Variants in PIEZO2 observed in about 807,000 individuals in gnomAD.
PIEZO2 encodes the protein piezo type mechanosensitive ion channel component 2.
PIEZO2 carries 172 observed loss-of-function variants against 337.3 expected under a neutral mutation model. That is an observed-to-expected ratio of 0.51 (90% CI 0.45 to 0.58). The LOEUF (loss-of-function observed/expected upper bound fraction) is 0.58. PIEZO2 is among the 20% of genes least tolerant of loss of function. The pLI, the probability that PIEZO2 is intolerant of heterozygous loss-of-function variation, is 0.00. For synonymous variants in PIEZO2, 1,251 were observed against 1,228.5 expected, an observed-to-expected ratio of 1.02 and a Z score of -0.38; for missense variants, 3,028 against 3,391.3, an observed-to-expected ratio of 0.89 and a Z score of 2.66.
chr18:10,966,350 T>C (rs2033999249), intron 3 of PIEZO2, among the ~76,000 whole-genome samples: 1 of 152,222 alleles, frequency 6.6e-6, no homozygotes, highest in Non-Finnish European at 1.5e-5. Context: ...AAGCTGTCAT[T>C]CCTTCTGGAT....
chr18:10,819,861 G>A lies in PIEZO2; in HGVS notation c.918-12587C>T, dbSNP rs2040471983. 6.6e-6 allele frequency among the ~76,000 whole-genome samples: 1 copy of A among 152,084 alleles called. No homozygotes were observed. On this transcript the variant is annotated intron_variant, in intron 7 of 55. Transcript: ENST00000674853. This position sits in a 1 kb window ranked among gnomAD's most constrained non-coding sequence, Gnocchi z 4.3. ...ATATTTGTGTAGTGCAGGTCTGCTG[G>A]TGCAAAATTCTCTCAGTCTTTCGTA... is the stretch of plus-strand genomic sequence containing the variant.
chr18:11,114,903 GA>G (rs1032199830), intron 1 of PIEZO2, among the ~76,000 whole-genome samples: 1 of 152,132 alleles, frequency 6.6e-6, no homozygotes, highest in Non-Finnish European at 1.5e-5. Context: ...TCTTAAATCA[GA>G]TAACTAACAA....
intron 42 of PIEZO2, 160 bp downstream of exon 42, chr18:10,704,234 C>G: frequency 9.8e-7 from 1 of 1,018,084 alleles, no homozygotes; most frequent in Non-Finnish European, 1.4e-6. Context: ...TTGCTGCTGA[C>G]GATTTGTGTA....
In PIEZO2 at chr18:10,775,557, A is replaced by G. The variant is rs2038754576; in HGVS notation, c.2535-1519T>C. ...ACGACAAGAAAACTACTTTCTAACA[A>G]TTACTGCTATTAACAGAGTGAAACT... On this transcript the variant is annotated intron_variant, in intron 18 of 55. Coordinates refer to ENST00000674853, the MANE Select transcript of PIEZO2 (RefSeq NM_001378183.1). The surrounding 1 kb of genome is among the most constrained non-coding windows in gnomAD (Gnocchi z 4.3). Among the ~76,000 whole-genome samples the G allele has an allele frequency of 6.6e-6, 1 of 152,188 alleles. No homozygotes were observed. Among genetic ancestry groups the G allele is most frequent in the Non-Finnish European group, 1.5e-5 (1 of 68,036 alleles).
chr18:10,915,040 C>T (rs456126), intron 3 of PIEZO2, among the ~76,000 whole-genome samples: 70,814 of 127,590 alleles, frequency 0.56, 16,874 homozygotes, highest in East Asian at 0.68. Context: ...TACCTATCAA[C>T]CTCTGTGGCT....
chr18:10,799,621 G>A (rs2039732350), intron 11 of PIEZO2, among the ~76,000 whole-genome samples: 1 of 152,132 alleles, frequency 6.6e-6, no homozygotes. Context: ...GAGACAAAAA[G>A]CCTTGCAAAA....
At chr18:10,776,282 T>C (rs2038782695) in intron 18 of PIEZO2, among the ~76,000 whole-genome samples, 1 of 152,144 alleles carries the variant, frequency 6.6e-6, no homozygotes, top group Admixed American at 6.5e-5. Context: ...GTAGTGCCTA[T>C]TTATAGGAGG....
At position 10,859,188 on chromosome 18, in the gene PIEZO2, C is replaced by T. The variant is rs144030768; in HGVS notation, c.493-1977G>A. Among the ~76,000 whole-genome samples the T allele has an allele frequency of 2.0e-5, 3 of 152,210 alleles. No homozygotes were observed. The highest frequency in any genetic ancestry group is 4.8e-5 in the African/African-American group (2 of 41,542). Reference sequence around the variant, plus strand: ...ATCTGAATGTCACAAAGTTACCAGCCCTGTGAAAGTCCTGGCAAAGTGCAT... The same window carrying T: ...ATCTGAATGTCACAAAGTTACCAGCTCTGTGAAAGTCCTGGCAAAGTGCAT... On this transcript the variant is annotated intron_variant, in intron 5 of 55. Transcript: ENST00000674853. The surrounding 1 kb of genome is among the most constrained non-coding windows in gnomAD (Gnocchi z 4.9).
At chr18:10,802,714 A>C (rs1318507220) in intron 9 of PIEZO2, among the ~76,000 whole-genome samples, 1 of 152,152 alleles carries the variant, frequency 6.6e-6, no homozygotes, top group Non-Finnish European at 1.5e-5. Context: ...TTATGCCTGT[A>C]ACCCTAGCAC....
intron 3 of PIEZO2, among the ~76,000 whole-genome samples, chr18:10,961,770 G>GA (rs1258510830): frequency 6.6e-6 from 1 of 151,872 alleles, no homozygotes; most frequent in Non-Finnish European, 1.5e-5. Context: ...AGTAAAAAAG[G>GA]ATTTTTTTTT....
intron 4 of PIEZO2, among the ~76,000 whole-genome samples, chr18:10,873,608 A>C (rs1204924966): frequency 7.4e-6 from 1 of 135,880 alleles, no homozygotes; most frequent in Non-Finnish European, 1.6e-5. Flanking sequence ...ATATCATCAT[A>C]CTAATGGACA....
intron 1 of PIEZO2, among the ~76,000 whole-genome samples, chr18:11,115,054 AT>A (rs1038382760): frequency 1.8e-4 from 28 of 152,172 alleles, no homozygotes; most frequent in African/African-American, 5.8e-4. Context: ...CCCAGATATA[AT>A]GTTTTCCAGG....
intron 3 of PIEZO2, among the ~76,000 whole-genome samples, chr18:10,955,996 C>A (rs2033504839): frequency 6.6e-6 from 1 of 152,110 alleles, no homozygotes; most frequent in Non-Finnish European, 1.5e-5. Flanking sequence ...TCTTTGACAT[C>A]CTTTCTTTGG....
At chr18:10,845,383 G>A (rs1302449709) in intron 7 of PIEZO2, among the ~76,000 whole-genome samples, 2 of 152,044 alleles carry the variant, frequency 1.3e-5, no homozygotes, top group African/African-American at 4.8e-5. Flanking sequence ...CTATGAAAGA[G>A]GAGTTATTTG....
Position 10,761,105 on chromosome 18 carries a change from G to A in PIEZO2, c.3256C>T (p.Leu1086Phe). 6.5e-7 allele frequency: 1 copy of A among 1,537,072 alleles called. No individual in the cohort carries two copies. Among genetic ancestry groups the A allele is most frequent in the Non-Finnish European group, 8.7e-7 (1 of 1,146,766 alleles). Residue 1086 changes from leucine (L) to phenylalanine (F), a missense_variant, in exon 24 of 56, where the codon CTC becomes TTC. By Grantham distance (22) the Leu-to-Phe change is conservative. This residue lies in a region of PIEZO2 where 1,925 missense variants were observed against 2,051.9 expected (regional missense o/e 0.94). Transcript: ENST00000674853. ...AAGGCCAGGATAGCCAGCATCAGGA[G>A]GTTATTCTACAAAGCAAGGAAACAC... ...SPLLVYLRNNLLMLAILAFEV... is the reference protein window; with the variant it reads ...SPLLVYLRNNFLMLAILAFEV...
intron 1 of PIEZO2, among the ~76,000 whole-genome samples, chr18:11,087,362 G>A (rs2038946450): frequency 6.6e-6 from 1 of 152,076 alleles, no homozygotes; most frequent in Non-Finnish European, 1.5e-5. Flanking sequence ...GCTAGCCCAG[G>A]GCCAGTCCAC....
At chr18:10,720,700 G>A (rs1006751186) in intron 36 of PIEZO2, among the ~76,000 whole-genome samples, 3 of 151,664 alleles carry the variant, frequency 2.0e-5, no homozygotes, top group Non-Finnish European at 1.5e-5. Flanking sequence ...CTACCACAGC[G>A]TCCCAAGTTG....
At chr18:10,706,371 G>A (rs769066520) in intron 40 of PIEZO2, among the ~76,000 whole-genome samples, 2 of 151,970 alleles carry the variant, frequency 1.3e-5, no homozygotes, top group Non-Finnish European at 2.9e-5. Context: ...TCCCGTCTGC[G>A]GAATCTCCAC....
intron 1 of PIEZO2, among the ~76,000 whole-genome samples, chr18:11,113,098 G>A (rs1310320264): frequency 6.6e-6 from 1 of 152,110 alleles, no homozygotes; most frequent in Non-Finnish European, 1.5e-5. Context: ...GGTATAAAGG[G>A]GCAATGTTGA....
Sources: gnomAD v4.1 joint callset for allele counts (sites outside exome capture counted in the v4.1 genomes callset) on GRCh38, gnomAD v4.1.1 for gene constraint, gnomAD v4.1.1 regional missense constraint, Gnocchi (gnomAD v3.1) non-coding constraint, MANE v1.5 for transcripts, NCBI Gene and HGNC (gene_info 2026-07-23, HGNC 2026-07-21) for gene names.